DYM: variants seen among roughly 807,000 people sequenced by gnomAD.
The protein encoded by DYM is dymeclin, also known as dyggve-Melchior-Clausen syndrome protein.
Under a neutral mutation model 93.1 loss-of-function variants are expected in DYM, and 78 were observed. The observed-to-expected ratio is 0.84, with a 90% confidence interval of 0.70 to 1.01. The LOEUF is 1.01. DYM is among the 50% of genes least tolerant of loss of function. The pLI is 0.00. For missense variants in DYM, 789 were observed against 845.0 expected, an observed-to-expected ratio of 0.93 and a Z score of 0.82; for synonymous variants, 321 against 319.7, an observed-to-expected ratio of 1.00 and a Z score of -0.04.
chr18:49,113,944 A>G (rs1040217981), intron 16 of DYM, among the ~76,000 whole-genome samples: 2 of 152,208 alleles, frequency 1.3e-5, no homozygotes, highest in Non-Finnish European at 2.9e-5. Flanking sequence ...AATGCTGAAA[A>G]CACGGGATTT....
At chr18:49,236,070 G>A (rs2093851240) in intron 13 of DYM, among the ~76,000 whole-genome samples, 1 of 152,162 alleles carries the variant, frequency 6.6e-6, no homozygotes, top group Non-Finnish European at 1.5e-5. Flanking sequence ...CATTACAGGT[G>A]TCACTTTGGA....
chr18:49,312,557 C>T (rs2061664608), intron 8 of DYM, among the ~76,000 whole-genome samples: 1 of 152,178 alleles, frequency 6.6e-6, no homozygotes, highest in Admixed American at 6.5e-5. Flanking sequence ...GGAAGCATCC[C>T]CTATGCATCC....
At chr18:49,247,791 A>G (rs1412857292) in intron 13 of DYM, among the ~76,000 whole-genome samples, 1 of 152,206 alleles carries the variant, frequency 6.6e-6, no homozygotes, top group Non-Finnish European at 1.5e-5. Context: ...TGAATAGGTA[A>G]CCATTTTCTA....
chr18:49,260,897 T>C (rs745486325), intron 11 of DYM, among the ~76,000 whole-genome samples: 3 of 151,006 alleles, frequency 2.0e-5, no homozygotes, highest in Non-Finnish European at 4.4e-5. Context: ...ATGTAAGTAT[T>C]TAGCTGCCCC....
chr18:49,237,903 C>CTTT (rs112395450), intron 13 of DYM, among the ~76,000 whole-genome samples: 33 of 144,940 alleles, frequency 2.3e-4, no homozygotes, highest in Middle Eastern at 7.2e-3. Flanking sequence ...GTACCTTACT[C>CTTT]TTTTTTTTTT....
chr18:49,065,582 A>G (rs1252021065), intron 17 of DYM, among the ~76,000 whole-genome samples: 3 of 152,128 alleles, frequency 2.0e-5, no homozygotes, highest in African/African-American at 7.2e-5. Context: ...AGCTGGTCTC[A>G]AACTCCTGAC....
chr18:49,419,352 C>T (rs1332764889), intron 2 of DYM, among the ~76,000 whole-genome samples: 4 of 151,974 alleles, frequency 2.6e-5, no homozygotes, highest in Admixed American at 2.6e-4. Context: ...GAGCAAGACT[C>T]TGTCTCAAAA....
intron 17 of DYM, among the ~76,000 whole-genome samples, chr18:49,061,678 G>A (rs971776780): frequency 6.6e-6 from 1 of 152,236 alleles, no homozygotes; most frequent in African/African-American, 2.4e-5. Context: ...AGGACCCAAA[G>A]ATGACAGTGG....
intron 10 of DYM, among the ~76,000 whole-genome samples, chr18:49,275,689 C>A (rs942666430): frequency 6.6e-6 from 1 of 152,024 alleles, no homozygotes; most frequent in Non-Finnish European, 1.5e-5. Context: ...CCAGCCTGGG[C>A]AACATAGCAA....
chr18:49,439,695 G>A (rs895642788), intron 1 of DYM, among the ~76,000 whole-genome samples: 3 of 152,058 alleles, frequency 2.0e-5, no homozygotes, highest in Non-Finnish European at 2.9e-5. Context: ...CATCAAACTA[G>A]TAAACATTAA....
intron 15 of DYM, among the ~76,000 whole-genome samples, chr18:49,141,946 C>A (rs900220011): frequency 6.6e-6 from 1 of 151,972 alleles, no homozygotes; most frequent in African/African-American, 2.4e-5. Context: ...CTCTGCCCCC[C>A]GGGTTCATGC....
chr18:49,358,663 G>T, intron 6 of DYM, among the ~76,000 whole-genome samples: 1 of 152,190 alleles, frequency 6.6e-6, no homozygotes, highest in African/African-American at 2.4e-5. Context: ...TCATAAGAAA[G>T]ACCACAGAAA....
intron 13 of DYM, 49 bp downstream of exon 13, chr18:49,256,961 A>C: frequency 6.7e-7 from 1 of 1,488,840 alleles, no homozygotes; most frequent in Non-Finnish European, 9.4e-7. Context: ...ATCCATCTTA[A>C]TAGCTCAGCC....
chr18:49,181,669 T>A (rs370224437), intron 14 of DYM, among the ~76,000 whole-genome samples: 3 of 152,290 alleles, frequency 2.0e-5, no homozygotes, highest in African/African-American at 7.2e-5. Context: ...GGATACCTAA[T>A]CTGTGTAACC....
intron 8 of DYM, among the ~76,000 whole-genome samples, chr18:49,309,703 C>T (rs560908135): frequency 6.6e-6 from 1 of 152,250 alleles, no homozygotes; most frequent in East Asian, 1.9e-4. Flanking sequence ...AGTACATAAT[C>T]AATACATAGT....
chr18:49,107,296 T>C (rs1035703010), intron 16 of DYM, among the ~76,000 whole-genome samples: 8 of 152,198 alleles, frequency 5.3e-5, no homozygotes, highest in Non-Finnish European at 7.3e-5. Context: ...TTATTCTAGT[T>C]AGCCATTCGT....
intron 6 of DYM, among the ~76,000 whole-genome samples, chr18:49,350,981 A>G (rs868371110): frequency 6.6e-6 from 1 of 152,204 alleles, no homozygotes; most frequent in Non-Finnish European, 1.5e-5. Flanking sequence ...AAAGATGTAA[A>G]AAGTTGAGAT....
At chr18:49,441,998 G>T (rs1429476228) in intron 1 of DYM, among the ~76,000 whole-genome samples, 1 of 152,166 alleles carries the variant, frequency 6.6e-6, no homozygotes, top group Non-Finnish European at 1.5e-5. Flanking sequence ...GAGTTTCCCT[G>T]CCTCCAAGGC....
At chr18:49,161,144 T>A (rs1236454235) in intron 15 of DYM, among the ~76,000 whole-genome samples, 1 of 152,072 alleles carries the variant, frequency 6.6e-6, no homozygotes, top group Admixed American at 6.5e-5. Context: ...TCCCACTATT[T>A]CTAGAAGCAG....
Sources: gnomAD v4.1 joint callset for allele counts (sites outside exome capture counted in the v4.1 genomes callset) on GRCh38, gnomAD v4.1.1 for gene constraint, MANE v1.5 for transcripts, NCBI Gene and HGNC (gene_info 2026-07-23, HGNC 2026-07-21) for gene names.